The following SAMMSON variants were observed in gnomAD, a reference collection of about 807,000 sequenced individuals.
SAMMSON encodes the protein long intergenic non-protein coding RNA 1212.
chr3:70,096,457 T>C (rs1215278834), intron 4 of SAMMSON, among the ~76,000 whole-genome samples: 1 of 152,078 alleles, frequency 6.6e-6, no homozygotes. Flanking sequence ...GAAGAGAGGA[T>C]TGCTTGAGCC....
chr3:70,146,977 C>T (rs1418731529), intron 4 of SAMMSON, among the ~76,000 whole-genome samples: 1 of 151,952 alleles, frequency 6.6e-6, no homozygotes, highest in Non-Finnish European at 1.5e-5. Context: ...CTATCAAAGA[C>T]AGGATCCATA....
At chr3:70,400,911 G>A (rs1359688110) in intron 2 of SAMMSON, among the ~76,000 whole-genome samples, 1 of 152,098 alleles carries the variant, frequency 6.6e-6, no homozygotes, top group East Asian at 1.9e-4. Flanking sequence ...CAGCCTGGGT[G>A]ACAGAGCAAG....
intron 3 of SAMMSON, among the ~76,000 whole-genome samples, chr3:70,061,038 AG>A (rs891299344): frequency 6.6e-6 from 1 of 152,120 alleles, no homozygotes; most frequent in Non-Finnish European, 1.5e-5. Flanking sequence ...TGGAGGAAAA[AG>A]GATGTATGCC....
At chr3:70,315,455 A>G (rs111413524) in intron 7 of SAMMSON, among the ~76,000 whole-genome samples, 18 of 152,306 alleles carry the variant, frequency 1.2e-4, no homozygotes, top group African/African-American at 3.8e-4. Context: ...AGCTGTAGGT[A>G]TTAATTAGCA....
chr3:70,218,212 T>C (rs1446222422), intron 4 of SAMMSON, among the ~76,000 whole-genome samples: 1 of 152,130 alleles, frequency 6.6e-6, no homozygotes, highest in African/African-American at 2.4e-5. Flanking sequence ...TGCAATGGGG[T>C]TAAAACACTT....
intron 4 of SAMMSON, among the ~76,000 whole-genome samples, chr3:70,121,314 C>T (rs1000287012): frequency 2.6e-5 from 4 of 152,116 alleles, no homozygotes; most frequent in Non-Finnish European, 5.9e-5. Context: ...GGGTTGGGGA[C>T]CCCTGCTGTA....
intron 6 of SAMMSON, among the ~76,000 whole-genome samples, chr3:70,267,641 C>T (rs1262876612): frequency 1.4e-5 from 2 of 148,124 alleles, no homozygotes; most frequent in African/African-American, 2.5e-5. Flanking sequence ...TGGTCTTGAC[C>T]TCCTGACCTC....
chr3:70,210,840 A>G lies in SAMMSON; in HGVS notation n.508-38267A>G, dbSNP rs138670423. On this transcript the variant is annotated intron_variant and non_coding_transcript_variant, in intron 4 of 9. Coordinates refer to ENST00000642114, the Ensembl canonical transcript of SAMMSON. Reference sequence around the variant, plus strand: ...GGGCTACAGGTAATTGCAAGAACAAATGGACATAAACTTAAGTCAGAGAAA... The same window carrying G: ...GGGCTACAGGTAATTGCAAGAACAAGTGGACATAAACTTAAGTCAGAGAAA... Among the ~76,000 whole-genome samples the G allele has an allele frequency of 3.6e-3, 540 of 152,092 alleles. 3 individuals are homozygous for G. Among genetic ancestry groups the G allele is most frequent in the African/African-American group, 0.012 (513 of 41,544 alleles).
intron 2 of SAMMSON, among the ~76,000 whole-genome samples, chr3:70,415,432 TA>T (rs1701256255): frequency 6.6e-6 from 1 of 152,206 alleles, no homozygotes; most frequent in Non-Finnish European, 1.5e-5. Flanking sequence ...CCGTTGTACT[TA>T]ATGTCGGTGC....
intron 7 of SAMMSON, among the ~76,000 whole-genome samples, chr3:70,353,215 A>G (rs1702806143): frequency 1.3e-5 from 2 of 152,056 alleles, no homozygotes; most frequent in Admixed American, 6.6e-5. Flanking sequence ...GTGTAAAACA[A>G]AAACTGTTCT....
At chr3:70,144,285 T>C (rs73838068) in intron 4 of SAMMSON, among the ~76,000 whole-genome samples, 3 of 152,116 alleles carry the variant, frequency 2.0e-5, no homozygotes, top group Non-Finnish European at 1.5e-5. Context: ...AACTTTATAA[T>C]GAGTATGCTG....
intron 4 of SAMMSON, among the ~76,000 whole-genome samples, chr3:70,193,290 T>TATTA (rs750213303): frequency 6.6e-6 from 1 of 152,122 alleles, no homozygotes; most frequent in African/African-American, 2.4e-5. Flanking sequence ...TTTAGTCCCA[T>TATTA]ATTAATTAAT....
exon 2 of SAMMSON, chr3:70,012,576 T>C (rs2107577463): frequency 6.6e-6 from 1 of 152,348 alleles, no homozygotes; most frequent in Non-Finnish European, 1.5e-5. Context: ...CCCACTGTAA[T>C]GTCTGACCTC....
chr3:70,058,960 G>A (rs888660453), intron 3 of SAMMSON, among the ~76,000 whole-genome samples: 2 of 152,026 alleles, frequency 1.3e-5, no homozygotes, highest in African/African-American at 2.4e-5. Flanking sequence ...TTGTCAGCGG[G>A]AAGGTATTAA....
intron 6 of SAMMSON, among the ~76,000 whole-genome samples, chr3:70,267,596 TTAGTA>T (rs1261632842): frequency 6.7e-6 from 1 of 148,874 alleles, no homozygotes; most frequent in African/African-American, 2.4e-5. Flanking sequence ...TTTTTTTTTT[TTAGTA>T]AAGACGGGGT....
chr3:70,002,374 T>C (rs2107573768), intron 1 of SAMMSON, among the ~76,000 whole-genome samples: 3 of 152,330 alleles, frequency 2.0e-5, no homozygotes, highest in Admixed American at 2.0e-4. Flanking sequence ...TTATTTGTAA[T>C]AACTTCTTAT....
chr3:70,348,003 A>G (rs1383938754), intron 7 of SAMMSON, among the ~76,000 whole-genome samples: 1 of 152,162 alleles, frequency 6.6e-6, no homozygotes, highest in Non-Finnish European at 1.5e-5. Context: ...AGATCGCGCC[A>G]CTACACTCCA....
At chr3:70,003,960 A>G (rs1252063171) in intron 1 of SAMMSON, among the ~76,000 whole-genome samples, 3 of 151,970 alleles carry the variant, frequency 2.0e-5, no homozygotes, top group Non-Finnish European at 4.4e-5. Context: ...TATATTTACT[A>G]TCTTTTTTCT....
At chr3:70,179,393 G>A (rs541167800) in intron 4 of SAMMSON, among the ~76,000 whole-genome samples, 2 of 152,286 alleles carry the variant, frequency 1.3e-5, no homozygotes, top group African/African-American at 2.4e-5. Flanking sequence ...AGAATCCTAC[G>A]TGGGACTGCA....
Sources: gnomAD v4.1 joint callset for allele counts (sites outside exome capture counted in the v4.1 genomes callset) on GRCh38, gnomAD v4.1.1 for gene constraint, MANE v1.5 for transcripts, NCBI Gene and HGNC (gene_info 2026-07-23, HGNC 2026-07-21) for gene names.